TYW1B: variants seen among roughly 807,000 people sequenced by gnomAD.
TYW1B encodes the protein tRNA-yW synthesizing protein 1 homolog B, also known as S-adenosyl-L-methionine-dependent tRNA 4-demethylwyosine synthase TYW1B.
A neutral mutation model predicts 86.9 loss-of-function variants in TYW1B; 73 were observed. The ratio of observed to expected loss-of-function variants is 0.84; its 90% CI spans 0.70 to 1.02. The LOEUF is 1.02. Ranked by LOEUF, TYW1B falls within the 50% of genes least tolerant of loss-of-function variation. The probability of loss-of-function intolerance (pLI) is 0.00; values close to 1 mark genes in which losing one functional copy is unlikely to be tolerated. For missense variants in TYW1B, 637 were observed against 827.4 expected (o/e 0.77, Z 2.82); for synonymous variants, 248 against 292.8 (o/e 0.85, Z 1.56).
At chr7:72,615,900 A>G (rs1303905318) in intron 13 of TYW1B, among the ~76,000 whole-genome samples, 2 of 152,140 alleles carry the variant, frequency 1.3e-5, no homozygotes, top group Non-Finnish European at 2.9e-5. Flanking sequence ...CCAAAATGAA[A>G]TATGGAGAGA....
At chr7:72,666,615 C>T (rs1813468027) in intron 11 of TYW1B, among the ~76,000 whole-genome samples, 1 of 152,150 alleles carries the variant, frequency 6.6e-6, no homozygotes. Context: ...AATAGTAACA[C>T]AGGAATCTCC....
intron 3 of TYW1B, among the ~76,000 whole-genome samples, chr7:72,812,821 A>G (rs1788646969): frequency 1.3e-5 from 2 of 150,790 alleles, no homozygotes; most frequent in Admixed American, 1.3e-4. Flanking sequence ...TCAGCCTCCC[A>G]AGTAGCTGGG....
chr7:72,601,683 T>TA (rs1222810092), intron 13 of TYW1B, among the ~76,000 whole-genome samples: 2,164 of 38,270 alleles, frequency 0.057, 43 homozygotes, highest in African/African-American at 0.16. Flanking sequence ...TATTTGCCAA[T>TA]AAAAAAAAAA....
intron 7 of TYW1B, among the ~76,000 whole-genome samples, chr7:72,751,374 C>T (rs1335614262): frequency 6.6e-6 from 1 of 152,124 alleles, no homozygotes; most frequent in Non-Finnish European, 1.5e-5. Context: ...TCCTGTTCAC[C>T]AATCGTACTA....
intron 11 of TYW1B, among the ~76,000 whole-genome samples, chr7:72,661,411 G>C (rs1408396331): frequency 6.6e-6 from 1 of 150,780 alleles, no homozygotes; most frequent in Non-Finnish European, 1.5e-5. Context: ...AGACAGGGGG[G>C]AAAAAAAAGA....
At chr7:72,810,748 C>T in intron 3 of TYW1B, 83 bp from the exon 4 acceptor site, 1 of 1,494,522 alleles carries the variant, frequency 6.7e-7, no homozygotes, top group Non-Finnish European at 9.0e-7. Flanking sequence ...AAAAAGCATA[C>T]TCATCTCAAA....
In TYW1B at chr7:72,802,414, C is replaced by G; in HGVS notation, c.832G>C (p.Val278Leu). The stretch of plus-strand genomic sequence containing the variant: ...AGTAATGGTACCTTTTCTTTCTTCA[C>G]GTGATCCATAATTTTGCCCAAATCT... ...VEDLGKIMDH[V>L]KKEKREKEQQ... Residue 278 changes from valine (V) to leucine (L), a missense_variant, in exon 6 of 14, where the codon GTG becomes CTG. Physicochemically the swap from Val to Leu is conservative, Grantham distance 32. Transcript: ENST00000620995. 6.2e-7 allele frequency: 1 copy of G among 1,613,834 alleles called. No homozygotes were observed. The highest frequency in any genetic ancestry group is 8.5e-7 in the Non-Finnish European group (1 of 1,179,804).
intron 12 of TYW1B, among the ~76,000 whole-genome samples, 195 bp from the exon 13 acceptor site, chr7:72,617,034 T>C (rs1278473396): frequency 3.3e-5 from 5 of 152,350 alleles, no homozygotes; most frequent in South Asian, 2.1e-4. Flanking sequence ...GACAGCAGGC[T>C]GATGCTCTTG....
At chr7:72,635,516 A>G (rs1370604399) in intron 11 of TYW1B, among the ~76,000 whole-genome samples, 7 of 152,148 alleles carry the variant, frequency 4.6e-5, no homozygotes, top group African/African-American at 1.7e-4. Context: ...AGTCTCCCCA[A>G]CCCTTTTCCT....
chr7:72,761,387 G>A (rs1787682811), intron 7 of TYW1B, among the ~76,000 whole-genome samples: 1 of 151,830 alleles, frequency 6.6e-6, no homozygotes, highest in South Asian at 2.1e-4. Flanking sequence ...AATATATAAG[G>A]TATGTTTTTA....
chr7:72,703,338 C>T (rs563189101), intron 10 of TYW1B, among the ~76,000 whole-genome samples: 4 of 151,814 alleles, frequency 2.6e-5, no homozygotes, highest in African/African-American at 9.6e-5. Flanking sequence ...AGTATATTTT[C>T]TATTTCCACT....
chr7:72,765,375 C>T (rs1330752286), intron 7 of TYW1B, among the ~76,000 whole-genome samples: 2 of 152,162 alleles, frequency 1.3e-5, no homozygotes, highest in Admixed American at 6.6e-5. Flanking sequence ...TTGTTATCTA[C>T]GTGTAGACTG....
intron 6 of TYW1B, among the ~76,000 whole-genome samples, chr7:72,785,981 C>T (rs1380477115): frequency 3.9e-5 from 6 of 152,002 alleles, no homozygotes; most frequent in South Asian, 2.1e-4. Flanking sequence ...GGCGTGGTGG[C>T]GGGCGCTATA....
At chr7:72,682,490 G>T (rs1813900198) in intron 11 of TYW1B, among the ~76,000 whole-genome samples, 1 of 152,070 alleles carries the variant, frequency 6.6e-6, no homozygotes, top group Non-Finnish European at 1.5e-5. Context: ...GACACTAAAA[G>T]GAGAATTCAC....
rs1296485618 is a variant in TYW1B at position 72,708,822 on chromosome 7, A to T, written c.1370+4799T>A. 2.6e-5 allele frequency among the ~76,000 whole-genome samples: 4 copies of T among 152,282 alleles called. No individual in the cohort carries two copies. The East Asian group carries it at 7.7e-4, about 29-fold the overall frequency. On this transcript the variant is annotated intron_variant, in intron 10 of 13. Transcript: ENST00000620995. ...TCCTGAAAGAATTAGTTTAAAAGTA[A>T]AGGCTTTCTGAAGACTATCTTGTTG...
At chr7:72,617,390 CAG>C (rs1329215970) in intron 12 of TYW1B, among the ~76,000 whole-genome samples, 2 of 152,094 alleles carry the variant, frequency 1.3e-5, no homozygotes, top group African/African-American at 4.8e-5. Flanking sequence ...ATTTTTGAGA[CAG>C]AGTCTTGCTC....
chr7:72,575,885 T>C (rs1811011172), intron 13 of TYW1B, among the ~76,000 whole-genome samples, 166 bp from the exon 14 acceptor site: 1 of 152,216 alleles, frequency 6.6e-6, no homozygotes, highest in Non-Finnish European at 1.5e-5. Context: ...CAGACATGAC[T>C]TCCTATCAAA....
intron 11 of TYW1B, among the ~76,000 whole-genome samples, chr7:72,686,030 A>C (rs1813999646): frequency 6.6e-6 from 1 of 152,240 alleles, no homozygotes; most frequent in Admixed American, 6.5e-5. Context: ...TAAGCATATG[A>C]AAAAATGTTC....
intron 7 of TYW1B, among the ~76,000 whole-genome samples, chr7:72,750,815 T>C (rs1353086664): frequency 6.6e-6 from 1 of 152,192 alleles, no homozygotes; most frequent in African/African-American, 2.4e-5. Context: ...ATATACTTAC[T>C]GGTTGTGCAT....
Sources: gnomAD v4.1 joint callset for allele counts (sites outside exome capture counted in the v4.1 genomes callset) on GRCh38, gnomAD v4.1.1 for gene constraint, MANE v1.5 for transcripts, NCBI Gene and HGNC (gene_info 2026-07-23, HGNC 2026-07-21) for gene names.